Variants in TENM3 observed in about 807,000 individuals in gnomAD.
TENM3 encodes teneurin transmembrane protein 3.
TENM3 carries 63 observed loss-of-function variants against 255.1 expected under a neutral mutation model. That is an observed-to-expected ratio of 0.25 (90% CI 0.20 to 0.30). The LOEUF is 0.30. TENM3 is among the 10% of genes least tolerant of loss of function. TENM3 has a pLI of 1.00. For synonymous variants in TENM3, 1,306 were observed against 1,322.3 expected, an observed-to-expected ratio of 0.99 and a Z score of 0.27; for missense variants, 2,929 against 3,461.1, an observed-to-expected ratio of 0.85 and a Z score of 3.86.
At chr4:182,090,859 G>C in the TENM3 span, among the ~76,000 whole-genome samples, 1 of 152,074 alleles carries the variant, frequency 6.6e-6, no homozygotes, top group Non-Finnish European at 1.5e-5. Flanking sequence ...CATACTTTCT[G>C]TCTTCTCTAG....
At chr4:182,072,401 C>A in the TENM3 span, among the ~76,000 whole-genome samples, 1 of 152,178 alleles carries the variant, frequency 6.6e-6, no homozygotes, top group Non-Finnish European at 1.5e-5. Context: ...TAACCTAAAA[C>A]TAACCCTGCC....
At chr4:182,588,197 C>A (rs2152380775) in intron 3 of TENM3, among the ~76,000 whole-genome samples, 1 of 152,230 alleles carries the variant, frequency 6.6e-6, no homozygotes, top group Middle Eastern at 3.4e-3. Context: ...ATCCTGCTCT[C>A]CCCTCAGAAG....
At chr4:181,510,316 A>T in the TENM3 span, among the ~76,000 whole-genome samples, 1 of 152,218 alleles carries the variant, frequency 6.6e-6, no homozygotes, top group South Asian at 2.1e-4. Context: ...CAAGTAGAAA[A>T]AAAAAATGTG....
the TENM3 span, among the ~76,000 whole-genome samples, chr4:181,563,226 A>G: frequency 6.6e-6 from 1 of 152,166 alleles, no homozygotes; most frequent in African/African-American, 2.4e-5. Context: ...GCTGTAAGGA[A>G]GAAGCTGTTC....
chr4:182,007,755 A>G, the TENM3 span, among the ~76,000 whole-genome samples: 1 of 152,134 alleles, frequency 6.6e-6, no homozygotes, highest in Non-Finnish European at 1.5e-5. Flanking sequence ...TGTGAATTTG[A>G]TCCTGTCATC....
Position 182,644,525 on chromosome 4 carries a change from A to G in TENM3, c.989-9246A>G, listed in dbSNP as rs891088991. Among the ~76,000 whole-genome samples, 12 of 152,264 alleles carry G rather than the reference A, an allele frequency of 7.9e-5. No homozygotes were observed. The East Asian group carries it at 2.3e-3, about 29-fold the overall frequency. On this transcript the variant is annotated intron_variant, in intron 5 of 27. Transcript: ENST00000511685. ...TATGGGGAGGAGGTGAAATAACTATAATACCATGGATTCCGTTCGTCTCCA... is the reference window on the plus strand; with the variant it reads ...TATGGGGAGGAGGTGAAATAACTATGATACCATGGATTCCGTTCGTCTCCA...
chr4:181,458,696 T>A, the TENM3 span, among the ~76,000 whole-genome samples: 1 of 151,960 alleles, frequency 6.6e-6, no homozygotes, highest in Admixed American at 6.6e-5. Context: ...TATAATATAA[T>A]CTTCCATAAA....
At chr4:182,576,552 T>A (rs1461563060) in intron 3 of TENM3, among the ~76,000 whole-genome samples, 1 of 152,218 alleles carries the variant, frequency 6.6e-6, no homozygotes, top group Non-Finnish European at 1.5e-5. Flanking sequence ...AGATGAAAGA[T>A]ACTTCTTAAA....
At chr4:182,037,868 G>T in the TENM3 span, among the ~76,000 whole-genome samples, 1 of 152,048 alleles carries the variant, frequency 6.6e-6, no homozygotes, top group African/African-American at 2.4e-5. Context: ...GTCCCTCTTT[G>T]TCACCCAGGC....
intron 3 of TENM3, among the ~76,000 whole-genome samples, chr4:182,389,821 G>A (rs1768294626): frequency 6.6e-6 from 1 of 151,848 alleles, no homozygotes; most frequent in Non-Finnish European, 1.5e-5. Context: ...GAGTAGCTGG[G>A]ACTACAGGCG....
At chr4:181,745,212 A>C in the TENM3 span, among the ~76,000 whole-genome samples, 5 of 152,124 alleles carry the variant, frequency 3.3e-5, no homozygotes, top group Admixed American at 2.0e-4. Flanking sequence ...TGTTTGTAAA[A>C]TCCCGTCATT....
the TENM3 span, among the ~76,000 whole-genome samples, chr4:181,757,301 T>C: frequency 2.0e-5 from 3 of 152,330 alleles, no homozygotes; most frequent in East Asian, 5.8e-4. Context: ...TGTCATCTCA[T>C]GGGAATTCTC....
chr4:182,102,125 G>A, the TENM3 span, among the ~76,000 whole-genome samples: 1 of 152,208 alleles, frequency 6.6e-6, no homozygotes, highest in Non-Finnish European at 1.5e-5. Flanking sequence ...ACAACCCGGT[G>A]GGACACTGCT....
chr4:182,380,668 G>A (rs1181143399), intron 3 of TENM3, among the ~76,000 whole-genome samples: 1 of 152,114 alleles, frequency 6.6e-6, no homozygotes, highest in Non-Finnish European at 1.5e-5. Context: ...ACAATAGAGG[G>A]GAAAGGATTC....
the TENM3 span, among the ~76,000 whole-genome samples, chr4:181,981,979 T>C: frequency 2.0e-5 from 3 of 152,140 alleles, no homozygotes; most frequent in Non-Finnish European, 4.4e-5. Context: ...TGAGGTGGTA[T>C]ACGTGGGAAG....
the TENM3 span, among the ~76,000 whole-genome samples, chr4:182,048,472 C>T: frequency 1.3e-5 from 2 of 152,022 alleles, no homozygotes; most frequent in Admixed American, 1.3e-4. Flanking sequence ...AACATCTGAA[C>T]AAGACTAATA....
intron 1 of TENM3, among the ~76,000 whole-genome samples, 188 bp from the exon 2 acceptor site, chr4:182,323,758 C>T (rs779936775): frequency 1.3e-5 from 2 of 152,114 alleles, no homozygotes; most frequent in African/African-American, 2.4e-5. Flanking sequence ...CAGCAGAAAG[C>T]GTGCTTCACC....
At chr4:182,680,868 A>C (rs1756118692) in intron 10 of TENM3, 131 bp downstream of exon 10, 1 of 618,124 alleles carries the variant, frequency 1.6e-6, no homozygotes, top group Non-Finnish European at 2.6e-6. Context: ...ATCCATGTTT[A>C]TGAATGCATT....
intron 3 of TENM3, among the ~76,000 whole-genome samples, chr4:182,588,599 GCTT>G (rs943203227): frequency 6.6e-6 from 1 of 152,146 alleles, no homozygotes; most frequent in African/African-American, 2.4e-5. Flanking sequence ...GATTGGGACA[GCTT>G]CTTCCTTTTT....
Sources: gnomAD v4.1 joint callset for allele counts (sites outside exome capture counted in the v4.1 genomes callset) on GRCh38, gnomAD v4.1.1 for gene constraint, MANE v1.5 for transcripts, NCBI Gene and HGNC (gene_info 2026-07-23, HGNC 2026-07-21) for gene names.